DNAAF11: variants seen among roughly 807,000 people sequenced by gnomAD.
DNAAF11 encodes the protein leucine rich repeat containing 6.
In DNAAF11, 45 loss-of-function variants were observed where a neutral mutation model predicts 60.8. That is an observed-to-expected ratio of 0.74 (90% CI 0.58 to 0.95). DNAAF11 has a LOEUF of 0.95. DNAAF11 is among the 40% of genes least tolerant of loss of function. DNAAF11 has a pLI of 0.00. For synonymous variants in DNAAF11, 191 were observed against 183.5 expected (o/e 1.04, Z -0.33); for missense variants, 546 against 546.2 (o/e 1.00, Z 0.00).
At chr8:132,640,933 G>A (rs987911001) in intron 3 of DNAAF11, among the ~76,000 whole-genome samples, 1 of 152,076 alleles carries the variant, frequency 6.6e-6, no homozygotes, top group Non-Finnish European at 1.5e-5. Flanking sequence ...ACTTGGAAGG[G>A]TTTCTGTAGC....
intron 3 of DNAAF11, chr8:132,643,764 C>T: frequency 2.2e-6 from 1 of 454,646 alleles, no homozygotes; most frequent in Non-Finnish European, 4.4e-6. Context: ...ATATTGAGTG[C>T]ATTCGTTAGA....
chr8:132,687,811 G>A, the DNAAF11 span, among the ~76,000 whole-genome samples: 1 of 152,232 alleles, frequency 6.6e-6, no homozygotes, highest in South Asian at 2.1e-4. Context: ...TGCATTAACT[G>A]TATGGTAATT....
chr8:132,621,311 G>A (rs1482756673), intron 7 of DNAAF11, among the ~76,000 whole-genome samples: 1 of 152,172 alleles, frequency 6.6e-6, no homozygotes, highest in African/African-American at 2.4e-5. Flanking sequence ...AGAGGGCACA[G>A]GGGTCCAAAA....
intron 10 of DNAAF11, among the ~76,000 whole-genome samples, chr8:132,606,859 T>C (rs953577394): frequency 1.3e-5 from 2 of 152,168 alleles, no homozygotes; most frequent in African/African-American, 4.8e-5. Flanking sequence ...AGAAAGGAAA[T>C]ATTTTTGTAT....
chr8:132,614,044 G>T (rs1818915098), intron 8 of DNAAF11, among the ~76,000 whole-genome samples: 1 of 152,208 alleles, frequency 6.6e-6, no homozygotes, highest in Admixed American at 6.5e-5. Context: ...GTGTGGAGAT[G>T]TAGAGAGGAA....
chr8:132,666,983 G>A (rs1824698486), intron 1 of DNAAF11, among the ~76,000 whole-genome samples: 1 of 152,168 alleles, frequency 6.6e-6, no homozygotes, highest in Admixed American at 6.5e-5. Context: ...AAGCTCAGAA[G>A]GAGAGAGGCC....
chr8:132,643,484 G>A (rs377322610), intron 3 of DNAAF11: 2 of 356,434 alleles, frequency 5.6e-6, no homozygotes, highest in South Asian at 2.2e-5. Flanking sequence ...GAGTTGGGGA[G>A]CAAGTGTAAT....
rs367948368 is a variant in DNAAF11 at position 132,661,354 on chromosome 8, G to A, written c.178+106C>T. ...GAGATGGCTGTGTCTGTTTTCCCAT[G>A]GAGTTTTTTTTTCAGTGATTGTCTT... On this transcript the variant is annotated intron_variant, in intron 2 of 11. Coordinates refer to ENST00000620350, the MANE Select transcript of DNAAF11 (RefSeq NM_012472.6). 1.0e-3 allele frequency: 928 copies of A among 912,936 alleles called. 26 individuals are homozygous for A. The South Asian group carries it at 0.016, about 16-fold the overall frequency. The allele number at this position is 912,936 out of a possible 1,614,324, so 56.6% of individuals were successfully genotyped here. A position where few individuals can be genotyped will look rare whatever the true frequency, so the allele number is the denominator to read the frequency against.
the DNAAF11 span, among the ~76,000 whole-genome samples, chr8:132,680,806 G>T: frequency 6.7e-6 from 1 of 149,778 alleles, no homozygotes; most frequent in African/African-American, 2.5e-5. Context: ...CCATCAGCAT[G>T]TATTTATTGA....
At chr8:132,651,700 T>C (rs1823033193) in intron 3 of DNAAF11, among the ~76,000 whole-genome samples, 1 of 152,224 alleles carries the variant, frequency 6.6e-6, no homozygotes, top group Admixed American at 6.5e-5. Context: ...GAATACTTAC[T>C]TCACAAAATT....
At chr8:132,583,329 C>A (rs181812619) in intron 11 of DNAAF11, among the ~76,000 whole-genome samples, 1 of 152,230 alleles carries the variant, frequency 6.6e-6, no homozygotes, top group Admixed American at 6.5e-5. Context: ...TCCCTCAGCT[C>A]CCCTAACTGG....
chr8:132,658,349 G>A (rs1279916397), intron 2 of DNAAF11, among the ~76,000 whole-genome samples: 1 of 152,048 alleles, frequency 6.6e-6, no homozygotes, highest in Non-Finnish European at 1.5e-5. Flanking sequence ...AAGAGACAGA[G>A]TCTCACTCTG....
At chr8:132,629,992 G>A (rs1320313317) in intron 5 of DNAAF11, among the ~76,000 whole-genome samples, 1 of 152,144 alleles carries the variant, frequency 6.6e-6, no homozygotes, top group Non-Finnish European at 1.5e-5. Flanking sequence ...GGACTCAGAA[G>A]AAGATCTAAA....
At chr8:132,614,894 G>T in intron 8 of DNAAF11, 144 bp downstream of exon 8, 1 of 495,354 alleles carries the variant, frequency 2.0e-6, no homozygotes, top group Non-Finnish European at 3.6e-6. Context: ...AAAAATTATA[G>T]TAACTTCTCT....
At chr8:132,632,657 G>A in intron 5 of DNAAF11, 83 bp downstream of exon 5, 2 of 892,404 alleles carry the variant, frequency 2.2e-6, no homozygotes, top group Non-Finnish European at 3.7e-6. Context: ...GAATATAAGT[G>A]TACTGCAAAC....
At chr8:132,586,176 C>A (rs1381983909) in intron 10 of DNAAF11, among the ~76,000 whole-genome samples, 1 of 151,986 alleles carries the variant, frequency 6.6e-6, no homozygotes, top group Non-Finnish European at 1.5e-5. Flanking sequence ...TGGAAGTATC[C>A]CAGGGAGGCA....
At chr8:132,581,987 C>A (rs988157268) in intron 11 of DNAAF11, among the ~76,000 whole-genome samples, 8 of 152,218 alleles carry the variant, frequency 5.3e-5, no homozygotes, top group African/African-American at 1.7e-4. Context: ...GCTCCTCCCC[C>A]TCCATTCACT....
Position 132,617,316 on chromosome 8 carries a change from T to C in DNAAF11, c.915-2219A>G, listed in dbSNP as rs537345371. On this transcript the variant is annotated intron_variant, in intron 7 of 11. Transcript: ENST00000620350. ...CCCAAAAAACAAAATCAAAAGGATCTGTCAAAGCTTAGGAAGATGAGCAGT... is the reference window on the plus strand; with the variant it reads ...CCCAAAAAACAAAATCAAAAGGATCCGTCAAAGCTTAGGAAGATGAGCAGT... 1.2e-3 allele frequency among the ~76,000 whole-genome samples: 177 copies of C among 152,226 alleles called. 1 individual carries two copies. Among genetic ancestry groups the C allele is most frequent in the Non-Finnish European group, 2.1e-3 (141 of 68,008 alleles).
intron 9 of DNAAF11, among the ~76,000 whole-genome samples, chr8:132,610,960 T>G (rs2357511): frequency 6.6e-6 from 1 of 152,110 alleles, no homozygotes; most frequent in Non-Finnish European, 1.5e-5. Flanking sequence ...AGTGGGGTGA[T>G]CTTAACTCAC....
Sources: allele counts gnomAD v4.1 joint callset (sites outside exome capture counted in the v4.1 genomes callset), GRCh38; gene constraint gnomAD v4.1.1; transcripts MANE v1.5; gene names NCBI Gene and HGNC (gene_info 2026-07-23, HGNC 2026-07-21).